TSHZ2: variants seen among roughly 807,000 people sequenced by gnomAD.
The protein encoded by TSHZ2 is teashirt homolog 2.
In TSHZ2, 21 loss-of-function variants were observed where a neutral mutation model predicts 74.4. That is an observed-to-expected ratio of 0.28 (90% CI 0.20 to 0.41). The LOEUF is 0.41. Ranked by LOEUF, TSHZ2 falls within the 10% of genes least tolerant of loss-of-function variation. The probability of loss-of-function intolerance (pLI) is 1.00; values close to 1 mark genes in which losing one functional copy is unlikely to be tolerated. For missense variants in TSHZ2, 1,244 were observed against 1,293.5 expected, an observed-to-expected ratio of 0.96 and a Z score of 0.59; for synonymous variants, 540 against 515.3, an observed-to-expected ratio of 1.05 and a Z score of -0.65.
At chr20:53,213,005 A>G (rs1421999094) in intron 1 of TSHZ2, among the ~76,000 whole-genome samples, 6 of 152,156 alleles carry the variant, frequency 3.9e-5, no homozygotes, top group Non-Finnish European at 7.3e-5. Context: ...TCATAAGACA[A>G]TTGAAACCAA....
intron 2 of TSHZ2, among the ~76,000 whole-genome samples, chr20:53,429,553 C>G (rs1983766519): frequency 6.6e-6 from 1 of 152,200 alleles, no homozygotes; most frequent in Non-Finnish European, 1.5e-5. Context: ...TGCCTTTCAC[C>G]TTTTGCCATG....
intron 1 of TSHZ2, among the ~76,000 whole-genome samples, chr20:53,125,737 A>G (rs1986930952): frequency 1.3e-5 from 2 of 151,888 alleles, no homozygotes; most frequent in African/African-American, 2.4e-5. Context: ...TTACCAAAAT[A>G]TTTAAAAAAA....
At chr20:53,005,302 ACT>A (rs777189673) in intron 1 of TSHZ2, among the ~76,000 whole-genome samples, 12 of 152,106 alleles carry the variant, frequency 7.9e-5, no homozygotes, top group Non-Finnish European at 1.6e-4. Flanking sequence ...ACAGAGAGAG[ACT>A]CTGTCTCAAA....
intron 1 of TSHZ2, among the ~76,000 whole-genome samples, chr20:53,167,038 G>A (rs958723459): frequency 3.3e-5 from 5 of 152,222 alleles, no homozygotes; most frequent in South Asian, 2.1e-4. Context: ...AGTAGTCCCA[G>A]TCATGACAAA....
intron 2 of TSHZ2, among the ~76,000 whole-genome samples, chr20:53,331,852 C>A (rs1461140375): frequency 6.6e-6 from 1 of 151,976 alleles, no homozygotes; most frequent in East Asian, 1.9e-4. Context: ...CACCTCTGGG[C>A]TTGATGGGCC....
chr20:53,325,445 G>A (rs1340462045), intron 2 of TSHZ2, among the ~76,000 whole-genome samples: 1 of 152,204 alleles, frequency 6.6e-6, no homozygotes, highest in Non-Finnish European at 1.5e-5. Context: ...AAGCAGGCCT[G>A]GGAGAGCAGC....
chr20:52,982,310 A>G (rs893087878), intron 1 of TSHZ2, among the ~76,000 whole-genome samples: 48 of 152,196 alleles, frequency 3.2e-4, no homozygotes, highest in African/African-American at 1.2e-3. Context: ...TCGTTTATCT[A>G]GAATAGTCAT....
chr20:53,170,284 A>G (rs1345089836), intron 1 of TSHZ2, among the ~76,000 whole-genome samples: 1 of 152,250 alleles, frequency 6.6e-6, no homozygotes, highest in African/African-American at 2.4e-5. Context: ...TGAAATTGAC[A>G]TCTAGGCTAA....
At position 53,234,291 on chromosome 20, in the gene TSHZ2, T is replaced by C. The variant is rs149607173; in HGVS notation, c.41-19208T>C. Among the ~76,000 whole-genome samples, 180 of 152,278 alleles carry C rather than the reference T, an allele frequency of 1.2e-3. 1 individual carries two copies. The highest frequency in any genetic ancestry group is 4.1e-3 in the African/African-American group (172 of 41,562). On this transcript the variant is annotated intron_variant, in intron 1 of 2. Transcript: ENST00000371497. ...TGAGTGGGTAAGTTTTGCTCTCCTT[T>C]GGGAGTTGAAAATGTCAAAGATTCA...
At chr20:53,330,808 T>A (rs1233076080) in intron 2 of TSHZ2, among the ~76,000 whole-genome samples, 3 of 152,138 alleles carry the variant, frequency 2.0e-5, no homozygotes, top group Non-Finnish European at 4.4e-5. Flanking sequence ...AAAGGTGACG[T>A]TCGGTTTATT....
chr20:52,976,623 A>G (rs6126714), intron 1 of TSHZ2, among the ~76,000 whole-genome samples: 4 of 152,226 alleles, frequency 2.6e-5, no homozygotes, highest in Non-Finnish European at 4.4e-5. Context: ...TTAAAATTGT[A>G]GACTTAGAAT....
intron 1 of TSHZ2, among the ~76,000 whole-genome samples, chr20:53,072,127 T>A (rs1985194688): frequency 6.6e-6 from 1 of 152,228 alleles, no homozygotes; most frequent in African/African-American, 2.4e-5. Context: ...TTCTGTGCTA[T>A]GCTGTAGTAG....
chr20:53,340,621 T>A (rs1197327963), intron 2 of TSHZ2, among the ~76,000 whole-genome samples: 1 of 152,222 alleles, frequency 6.6e-6, no homozygotes, highest in Non-Finnish European at 1.5e-5. Context: ...AGAAACTGTG[T>A]TGCGCACTCC....
At chr20:53,027,653 C>A (rs894280437) in intron 1 of TSHZ2, among the ~76,000 whole-genome samples, 1 of 152,008 alleles carries the variant, frequency 6.6e-6, no homozygotes, top group Non-Finnish European at 1.5e-5. Flanking sequence ...AAGGAAAGAC[C>A]CCTGCTGGGT....
At position 53,003,969 on chromosome 20, in the gene TSHZ2, A is replaced by G. The variant is rs550020439; in HGVS notation, c.40+30636A>G. Among the ~76,000 whole-genome samples, 14 of 151,372 alleles carry G rather than the reference A, an allele frequency of 9.2e-5. No homozygotes were observed. The South Asian group carries it at 1.5e-3, about 16-fold the overall frequency. On this transcript the variant is annotated intron_variant, in intron 1 of 2. Transcript: ENST00000371497. ...ACATGGACAGTATGCATCCTGTTCT[A>G]GAAGCTTCAGTGTCTGTGGAAAGTT... is the stretch of plus-strand genomic sequence containing the variant.
chr20:52,973,245 C>A lies in TSHZ2; in HGVS notation c.-49C>A. 2 of 1,551,082 alleles carry A rather than the reference C, an allele frequency of 1.3e-6. No individual in the cohort carries two copies. Among genetic ancestry groups the A allele is most frequent in the Non-Finnish European group, 1.7e-6 (2 of 1,146,636 alleles). Reference sequence around the variant, plus strand: ...GCCAGAGAGACAGCGGGCCCCAGCGCGCGGCTCGGGGCTGGGGCGCCAGAA... The same window carrying A: ...GCCAGAGAGACAGCGGGCCCCAGCGAGCGGCTCGGGGCTGGGGCGCCAGAA... On this transcript the variant is annotated 5_prime_UTR_variant, in exon 1 of 3. Coordinates refer to ENST00000371497, the MANE Select transcript of TSHZ2 (RefSeq NM_173485.6).
At chr20:53,162,994 A>C (rs1352387179) in intron 1 of TSHZ2, among the ~76,000 whole-genome samples, 2 of 152,246 alleles carry the variant, frequency 1.3e-5, no homozygotes, top group African/African-American at 4.8e-5. Context: ...ACTATTAGAA[A>C]GTACTGAAAA....
intron 2 of TSHZ2, among the ~76,000 whole-genome samples, chr20:53,323,309 C>G (rs1039497643): frequency 6.6e-6 from 1 of 152,114 alleles, no homozygotes; most frequent in Admixed American, 6.5e-5. Context: ...TATAAAATGA[C>G]CTTCCTTGGT....
chr20:53,306,654 T>C lies in TSHZ2; in HGVS notation c.*8+50083T>C, dbSNP rs192983227. Among the ~76,000 whole-genome samples the C allele has an allele frequency of 3.1e-4, 47 of 152,356 alleles. No homozygotes were observed. In the East Asian group the frequency reaches 8.7e-3, roughly 28 times the overall value. ...GGAACTTGCCATTGGCAGCAAAGAT[T>C]TATTAAGCAGGCTGCAAAACAAGAT... On this transcript the variant is annotated intron_variant, in intron 2 of 2. Coordinates refer to ENST00000371497, the MANE Select transcript of TSHZ2 (RefSeq NM_173485.6).
Sources: gnomAD v4.1 joint callset for allele counts (sites outside exome capture counted in the v4.1 genomes callset) on GRCh38, gnomAD v4.1.1 for gene constraint, MANE v1.5 for transcripts, NCBI Gene and HGNC (gene_info 2026-07-23, HGNC 2026-07-21) for gene names.